Variants in AFG1L observed in about 807,000 individuals in gnomAD.
AFG1L encodes AFG1-like ATPase.
Under a neutral mutation model 62.2 loss-of-function variants are expected in AFG1L, and 53 were observed. That is an observed-to-expected ratio of 0.85 (90% CI 0.68 to 1.07). AFG1L has a LOEUF of 1.07. AFG1L is among the 50% of genes least tolerant of loss of function. The pLI, the probability that AFG1L is intolerant of heterozygous loss-of-function variation, is 0.00. For synonymous variants in AFG1L, 228 were observed against 210.3 expected, an observed-to-expected ratio of 1.08 and a Z score of -0.73; for missense variants, 555 against 590.5, an observed-to-expected ratio of 0.94 and a Z score of 0.62.
chr6:108,499,864 T>G (rs1774120423), intron 10 of AFG1L, among the ~76,000 whole-genome samples: 1 of 152,156 alleles, frequency 6.6e-6, no homozygotes, highest in Non-Finnish European at 1.5e-5. Flanking sequence ...TATTGTATAA[T>G]GCTGGGATTT....
rs1453971659 is a variant in AFG1L, at chr6:108,522,379, T to C, written c.1400T>C (p.Met467Thr). The part of the protein sequence containing the change: ...FQRTISRLTE[M>T]QTEQYWNEGD... Reference sequence around the variant, plus strand: ...CGCACAATTTCCCGACTCACGGAAATGCAGACTGAACAGTACTGGAATGAA... The same window carrying C: ...CGCACAATTTCCCGACTCACGGAAACGCAGACTGAACAGTACTGGAATGAA... Residue 467 changes from methionine (M) to threonine (T), a missense_variant, in exon 13 of 13, where the codon ATG (methionine) becomes ACG (threonine). Physicochemically the swap from Met to Thr is moderately conservative, Grantham distance 81. Transcript: ENST00000368977. 4.3e-6 allele frequency: 7 copies of C among 1,614,076 alleles called. No homozygotes were observed. Among genetic ancestry groups the C allele is most frequent in the Non-Finnish European group, 5.1e-6 (6 of 1,179,984 alleles).
chr6:108,362,503 A>G (rs1274557541), intron 5 of AFG1L, among the ~76,000 whole-genome samples: 1 of 152,238 alleles, frequency 6.6e-6, no homozygotes, highest in Non-Finnish European at 1.5e-5. Context: ...CTATACATTA[A>G]TAATACAGAA....
intron 11 of AFG1L, among the ~76,000 whole-genome samples, chr6:108,519,077 C>T (rs1775022144): frequency 6.6e-6 from 1 of 152,154 alleles, no homozygotes; most frequent in Admixed American, 6.5e-5. Context: ...TCTTCCAGTT[C>T]TGTGAGGTCT....
intron 8 of AFG1L, among the ~76,000 whole-genome samples, chr6:108,461,312 G>A (rs955792456): frequency 2.6e-5 from 4 of 152,200 alleles, no homozygotes; most frequent in Non-Finnish European, 5.9e-5. Flanking sequence ...ATGCACGGTA[G>A]TATCTTTGTC....
intron 7 of AFG1L, among the ~76,000 whole-genome samples, chr6:108,425,618 G>A (rs1443935337): frequency 1.3e-5 from 2 of 151,934 alleles, no homozygotes; most frequent in African/African-American, 4.8e-5. Context: ...GCCAAACCAT[G>A]TTGCACAATA....
chr6:108,502,957 C>T (rs1299200745), intron 10 of AFG1L, among the ~76,000 whole-genome samples: 1 of 152,138 alleles, frequency 6.6e-6, no homozygotes, highest in African/African-American at 2.4e-5. Context: ...CTCAAGAAAC[C>T]ACTTTCTTTC....
chr6:108,514,647 A>G (rs1301367557), intron 11 of AFG1L, among the ~76,000 whole-genome samples: 2 of 152,224 alleles, frequency 1.3e-5, no homozygotes, highest in Non-Finnish European at 2.9e-5. Flanking sequence ...ACACATAACA[A>G]TATTAACCTT....
At chr6:108,300,388 G>A (rs1158472852) in intron 1 of AFG1L, among the ~76,000 whole-genome samples, 1 of 152,172 alleles carries the variant, frequency 6.6e-6, no homozygotes, top group East Asian at 1.9e-4. Flanking sequence ...CTGACCTCAG[G>A]TGATCTGCCC....
rs1251852916 is a variant in AFG1L at position 108,522,966 on chromosome 6, A to G, written c.*541A>G. On this transcript the variant is annotated 3_prime_UTR_variant, in exon 13 of 13. Coordinates refer to ENST00000368977, the MANE Select transcript of AFG1L (RefSeq NM_145315.5). ...AAATCTCCCAGGCCTTCAGATTTCT[A>G]CATAATGGAAGAATATGTTTTTAAC... 1 of 152,036 alleles carries G rather than the reference A, an allele frequency of 6.6e-6. No homozygotes were observed. The highest frequency in any genetic ancestry group is 1.5e-5 in the Non-Finnish European group (1 of 68,028). The allele number at this position is 152,036 out of a possible 1,614,324, so 9.4% of individuals were successfully genotyped here. A position where few individuals can be genotyped will look rare whatever the true frequency, so the allele number is the denominator to read the frequency against.
At chr6:108,426,702 A>G (rs559543658) in intron 7 of AFG1L, among the ~76,000 whole-genome samples, 2 of 152,240 alleles carry the variant, frequency 1.3e-5, no homozygotes, top group African/African-American at 4.8e-5. Flanking sequence ...ACAATACTCA[A>G]AGATCTTTCC....
rs377302113 is a variant in AFG1L at position 108,450,813 on chromosome 6, C to CATATG, written c.890+3518_890+3522dup. On this transcript the variant is annotated intron_variant, in intron 8 of 12. Transcript: ENST00000368977. ...GAAGGGATCCAGTTTCAGCTTTCTACATATGGCTAGCCAGTTTTCCCAGAA... is the reference window on the plus strand; with the variant it reads ...GAAGGGATCCAGTTTCAGCTTTCTACATATGATATGGCTAGCCAGTTTTCCCAGAA... Among the ~76,000 whole-genome samples the CATATG allele has an allele frequency of 4.4e-3, 672 of 152,124 alleles. 5 individuals carry two copies. Among genetic ancestry groups the CATATG allele is most frequent in the African/African-American group, 0.014 (596 of 41,512 alleles).
At chr6:108,343,549 A>G (rs1216186590) in intron 2 of AFG1L, among the ~76,000 whole-genome samples, 1 of 152,202 alleles carries the variant, frequency 6.6e-6, no homozygotes, top group Non-Finnish European at 1.5e-5. Context: ...CAGTTACCTA[A>G]TACAAAATGC....
At chr6:108,471,534 C>T (rs905272218) in intron 8 of AFG1L, among the ~76,000 whole-genome samples, 1 of 140,890 alleles carries the variant, frequency 7.1e-6, no homozygotes, top group African/African-American at 2.6e-5. Context: ...GATCTTGACT[C>T]ACTACAACCT....
chr6:108,483,180 A>T (rs1456720869), intron 10 of AFG1L, among the ~76,000 whole-genome samples: 1 of 152,086 alleles, frequency 6.6e-6, no homozygotes, highest in Non-Finnish European at 1.5e-5. Context: ...AAAATGTAAG[A>T]CAATGCCATT....
chr6:108,496,374 T>G (rs1190132845), intron 10 of AFG1L, among the ~76,000 whole-genome samples: 1 of 152,218 alleles, frequency 6.6e-6, no homozygotes, highest in Non-Finnish European at 1.5e-5. Flanking sequence ...TATTCATTAA[T>G]TGTGTGTTAT....
At chr6:108,360,517 A>G (rs1381988098) in intron 5 of AFG1L, among the ~76,000 whole-genome samples, 1 of 152,162 alleles carries the variant, frequency 6.6e-6, no homozygotes, top group African/African-American at 2.4e-5. Context: ...TATTCCCCTG[A>G]GCAAGTTTGG....
At chr6:108,510,181 T>C (rs991128722) in intron 10 of AFG1L, 31 bp from the exon 11 acceptor site, 14 of 1,565,116 alleles carry the variant, frequency 8.9e-6, no homozygotes, top group Non-Finnish European at 1.2e-5. Context: ...TGGTTTATTT[T>C]TAAGTTTTCT....
chr6:108,489,232 A>T (rs1269611367), intron 10 of AFG1L, among the ~76,000 whole-genome samples: 1 of 152,230 alleles, frequency 6.6e-6, no homozygotes, highest in Non-Finnish European at 1.5e-5. Context: ...AACAGCTGGA[A>T]AGTATAAGGA....
intron 7 of AFG1L, among the ~76,000 whole-genome samples, chr6:108,411,528 A>G (rs535826382): frequency 8.5e-5 from 13 of 152,330 alleles, no homozygotes; most frequent in African/African-American, 3.1e-4. Context: ...CTGACACCTC[A>G]TACAGCTGGG....
Sources: gnomAD v4.1 joint callset for allele counts (sites outside exome capture counted in the v4.1 genomes callset) on GRCh38, gnomAD v4.1.1 for gene constraint, MANE v1.5 for transcripts, NCBI Gene and HGNC (gene_info 2026-07-23, HGNC 2026-07-21) for gene names.